Variants in ARHGAP10 observed in about 807,000 individuals in gnomAD.
ARHGAP10 encodes the protein rho GTPase-activating protein 10.
ARHGAP10 carries 87 observed loss-of-function variants against 108.6 expected under a neutral mutation model. That is an observed-to-expected ratio of 0.80 (90% confidence interval 0.67 to 0.96). ARHGAP10 has a LOEUF of 0.96. Ranked by LOEUF, ARHGAP10 falls within the 40% of genes least tolerant of loss-of-function variation. The probability of loss-of-function intolerance (pLI) is 0.00; values close to 1 mark genes in which losing one functional copy is unlikely to be tolerated. For missense variants in ARHGAP10, 939 were observed against 954.5 expected (o/e 0.98, Z 0.21); for synonymous variants, 347 against 341.1 (o/e 1.02, Z -0.19).
At chr4:147,790,666 A>G (rs543732850) in intron 1 of ARHGAP10, among the ~76,000 whole-genome samples, 1 of 152,356 alleles carries the variant, frequency 6.6e-6, no homozygotes, top group South Asian at 2.1e-4. Context: ...GAGCTAGAGT[A>G]GCCCACATTT....
intron 3 of ARHGAP10, among the ~76,000 whole-genome samples, chr4:147,835,665 C>T (rs1304558143): frequency 1.3e-5 from 2 of 152,324 alleles, no homozygotes; most frequent in African/African-American, 4.8e-5. Flanking sequence ...TGAGCCACTG[C>T]GCCTGGCCTA....
intron 1 of ARHGAP10, among the ~76,000 whole-genome samples, chr4:147,773,939 A>G (rs1380298159): frequency 6.6e-6 from 1 of 152,206 alleles, no homozygotes; most frequent in African/African-American, 2.4e-5. Context: ...TTTGAGAAGC[A>G]GCACATCTGG....
At chr4:147,871,746 T>C (rs1734832206) in intron 7 of ARHGAP10, among the ~76,000 whole-genome samples, 1 of 152,246 alleles carries the variant, frequency 6.6e-6, no homozygotes, top group African/African-American at 2.4e-5. Flanking sequence ...TGCAAGGTTT[T>C]AGCCATTCTA....
intron 18 of ARHGAP10, among the ~76,000 whole-genome samples, chr4:148,006,577 C>G (rs1376446669): frequency 9.9e-5 from 15 of 152,150 alleles, no homozygotes; most frequent in African/African-American, 2.7e-4. Context: ...AGCTATGTCC[C>G]ACAGTTTCAC....
In ARHGAP10 at chr4:148,072,244, G is replaced by T. The variant is rs1730217361; in HGVS notation, c.*163G>T. The T allele has an allele frequency of 7.5e-6, 4 of 531,214 alleles. No homozygotes were observed. The highest frequency in any genetic ancestry group is 1.3e-5 in the Non-Finnish European group (4 of 301,710). 32.9% of individuals were successfully genotyped at this position (531,214 alleles called of 1,614,324 possible). A position where few individuals can be genotyped will look rare whatever the true frequency, so the allele number is the denominator to read the frequency against. On this transcript the variant is annotated 3_prime_UTR_variant, in exon 23 of 23. Transcript: ENST00000336498. ...CCTGGGGGTGGGGGGTGGTGGGCAG[G>T]GATGGGACGCACCACACAGAACTGT...
At chr4:148,002,419 T>C (rs139301468) in intron 18 of ARHGAP10, among the ~76,000 whole-genome samples, 21,573 of 152,194 alleles carry the variant, frequency 0.14, 2,448 homozygotes, top group African/African-American at 0.31. Context: ...AAGATGATGC[T>C]GGCCTCATCA....
chr4:147,940,377 T>C (rs1738125768), intron 14 of ARHGAP10, among the ~76,000 whole-genome samples: 2 of 152,204 alleles, frequency 1.3e-5, no homozygotes, highest in Non-Finnish European at 2.9e-5. Context: ...TCCAGAACCA[T>C]GCATGCTCCA....
intron 13 of ARHGAP10, among the ~76,000 whole-genome samples, chr4:147,913,540 C>T (rs954841339): frequency 1.3e-5 from 2 of 152,120 alleles, no homozygotes; most frequent in Non-Finnish European, 2.9e-5. Flanking sequence ...GCCCCCTTCC[C>T]GCTTTGTCCT....
intron 7 of ARHGAP10, among the ~76,000 whole-genome samples, chr4:147,867,075 C>G (rs1056036797): frequency 1.2e-4 from 19 of 152,174 alleles, no homozygotes; most frequent in African/African-American, 4.1e-4. Context: ...GTTATGTTAA[C>G]TCTAAATCAG....
intron 13 of ARHGAP10, among the ~76,000 whole-genome samples, chr4:147,920,060 G>T (rs1252944715): frequency 1.4e-4 from 22 of 152,052 alleles, no homozygotes; most frequent in Admixed American, 1.4e-3. Flanking sequence ...ATACACCATT[G>T]TTATCTTCAT....
At chr4:147,994,327 CT>C (rs2149638482) in intron 18 of ARHGAP10, among the ~76,000 whole-genome samples, 1 of 152,284 alleles carries the variant, frequency 6.6e-6, no homozygotes, top group East Asian at 1.9e-4. Flanking sequence ...TATATAGTTG[CT>C]TGAGCCACAC....
At chr4:147,868,789 A>G (rs944498719) in intron 7 of ARHGAP10, among the ~76,000 whole-genome samples, 4 of 152,090 alleles carry the variant, frequency 2.6e-5, no homozygotes, top group African/African-American at 9.7e-5. Context: ...CGCAGTTCAC[A>G]ATACGGTTCA....
chr4:148,012,244 C>A (rs565462530), intron 18 of ARHGAP10, among the ~76,000 whole-genome samples: 1 of 152,272 alleles, frequency 6.6e-6, no homozygotes, highest in African/African-American at 2.4e-5. Context: ...TGAAGTGATA[C>A]CCATTGAGAG....
intron 15 of ARHGAP10, among the ~76,000 whole-genome samples, chr4:147,952,637 A>C (rs1176761472): frequency 6.6e-6 from 1 of 152,106 alleles, no homozygotes; most frequent in Non-Finnish European, 1.5e-5. Flanking sequence ...TAAAAGTTAA[A>C]AAATATATTT....
intron 20 of ARHGAP10, 119 bp from the exon 21 acceptor site, chr4:148,063,029 C>T (rs1578841339): frequency 1.6e-6 from 2 of 1,269,372 alleles, no homozygotes; most frequent in East Asian, 4.7e-5. Flanking sequence ...GACTCTGTCC[C>T]TACTGGTCAG....
intron 16 of ARHGAP10, among the ~76,000 whole-genome samples, chr4:147,956,160 C>A (rs549796161): frequency 5.9e-5 from 9 of 152,262 alleles, no homozygotes; most frequent in Non-Finnish European, 7.4e-5. Flanking sequence ...CTAGCTAAAA[C>A]CTGCAGTATT....
intron 19 of ARHGAP10, among the ~76,000 whole-genome samples, chr4:148,041,653 A>T (rs1400408939): frequency 6.6e-6 from 1 of 152,234 alleles, no homozygotes; most frequent in Non-Finnish European, 1.5e-5. Context: ...CAATCTTTGA[A>T]GATGATTTTA....
intron 13 of ARHGAP10, among the ~76,000 whole-genome samples, chr4:147,934,181 G>A (rs1369454687): frequency 6.6e-6 from 1 of 152,196 alleles, no homozygotes; most frequent in African/African-American, 2.4e-5. Context: ...TGGACCCCTT[G>A]GCAGATAGTT....
rs201078800 is a variant in ARHGAP10, at chr4:147,899,290, A to G, written c.1035-7348A>G. On this transcript the variant is annotated intron_variant, in intron 10 of 22. Transcript: ENST00000336498. Reference sequence around the variant, plus strand: ...TTCCTCTTTGTCTTGCTGCTCCACCATGGATGAAAGCAGCTGGGGTGTGTG... The same window carrying G: ...TTCCTCTTTGTCTTGCTGCTCCACCGTGGATGAAAGCAGCTGGGGTGTGTG... Among the ~76,000 whole-genome samples the G allele has an allele frequency of 4.0e-5, 6 of 151,716 alleles. No homozygotes were observed. The East Asian group carries it at 1.2e-3, about 29-fold the overall frequency.
Sources: allele counts gnomAD v4.1 joint callset (sites outside exome capture counted in the v4.1 genomes callset), GRCh38; gene constraint gnomAD v4.1.1; transcripts MANE v1.5; gene names NCBI Gene and HGNC (gene_info 2026-07-23, HGNC 2026-07-21).